The following ADGRG6 variants were observed in gnomAD, a reference collection of about 807,000 sequenced individuals.
ADGRG6 encodes G-protein coupled receptor 126.
ADGRG6 carries 84 observed loss-of-function variants against 142.4 expected under a neutral mutation model. The observed-to-expected ratio is 0.59, with a 90% CI of 0.49 to 0.71. The LOEUF is 0.71. Ranked by LOEUF, ADGRG6 falls within the 30% of genes least tolerant of loss-of-function variation. The probability of loss-of-function intolerance (pLI) is 0.00; values close to 1 mark genes in which losing one functional copy is unlikely to be tolerated. For missense variants in ADGRG6, 1,367 were observed against 1,466.6 expected (o/e 0.93, Z 1.11); for synonymous variants, 521 against 520.5 (o/e 1.00, Z -0.01).
At chr6:142,325,048 G>A (rs1265333911) in intron 2 of ADGRG6, among the ~76,000 whole-genome samples, 3 of 152,046 alleles carry the variant, frequency 2.0e-5, no homozygotes, top group Admixed American at 2.0e-4. Flanking sequence ...TATTTACTTG[G>A]ATTATTTAGA....
At position 142,438,285 on chromosome 6, in the gene ADGRG6, C is replaced by T. The variant is rs376129411; in HGVS notation, c.3495C>T (p.Ser1165=). The part of the protein sequence containing the change: ...DNLGKSLSSS[S]IGSNSTYLTS... ...TAGGAAAATCTTTGTCTTCAAGCTCCATTGGTTCCAACTCAACCTATCTTA... is the reference window on the plus strand; with the variant it reads ...TAGGAAAATCTTTGTCTTCAAGCTCTATTGGTTCCAACTCAACCTATCTTA... Residue 1165 remains serine, a synonymous_variant, in exon 24 of 25, where the codon TCC becomes TCT. Coordinates refer to ENST00000367609, the MANE Select transcript of ADGRG6 (RefSeq NM_198569.3). 1.3e-5 allele frequency: 21 copies of T among 1,604,048 alleles called. No individual in the cohort carries two copies. The highest frequency in any genetic ancestry group is 3.3e-4 in the Middle Eastern group (2 of 6,064).
intron 2 of ADGRG6, 49 bp from the exon 3 acceptor site, chr6:142,367,520 G>A (rs745914625): frequency 1.5e-6 from 2 of 1,358,946 alleles, no homozygotes; most frequent in South Asian, 2.5e-5. Flanking sequence ...TTTATTGCAT[G>A]CATCTGAACC....
intron 2 of ADGRG6, among the ~76,000 whole-genome samples, chr6:142,359,744 A>G (rs1054517116): frequency 7.2e-5 from 11 of 152,214 alleles, no homozygotes; most frequent in African/African-American, 2.7e-4. Flanking sequence ...TGTCAGGCAG[A>G]TAAATGTTTA....
intron 2 of ADGRG6, among the ~76,000 whole-genome samples, chr6:142,365,348 G>T (rs1191261293): frequency 2.0e-5 from 3 of 152,112 alleles, no homozygotes; most frequent in Admixed American, 1.3e-4. Context: ...TTTAGGCATG[G>T]TTCCCTTCAT....
Position 142,411,287 on chromosome 6 carries a change from T to G in ADGRG6, c.2435-18T>G. 2.2e-6 allele frequency: 3 copies of G among 1,383,564 alleles called. No homozygotes were observed. Among genetic ancestry groups the G allele is most frequent in the Non-Finnish European group, 3.1e-6 (3 of 970,018 alleles). The allele number at this position is 1,383,564 out of a possible 1,614,324, so 85.7% of individuals were successfully genotyped here. ...ACTGACCTGCTGTTTTCACACTGTT[T>G]GTTGATTCCTTCAACAGAAAGTTTT... On this transcript the variant is annotated intron_variant, in intron 17 of 24. Coordinates refer to ENST00000367609, the MANE Select transcript of ADGRG6 (RefSeq NM_198569.3).
chr6:142,389,771 G>A (rs1211406703), intron 6 of ADGRG6, among the ~76,000 whole-genome samples: 1 of 151,772 alleles, frequency 6.6e-6, no homozygotes, highest in Non-Finnish European at 1.5e-5. Flanking sequence ...GGAAAGAGAG[G>A]AAAAGGAGAG....
chr6:142,360,382 A>G (rs1181403415), intron 2 of ADGRG6, among the ~76,000 whole-genome samples: 1 of 152,226 alleles, frequency 6.6e-6, no homozygotes, highest in African/African-American at 2.4e-5. Flanking sequence ...ATGAGTATAT[A>G]TAAAGAAGAG....
chr6:142,404,036 C>A, intron 14 of ADGRG6, 63 bp downstream of exon 14: 2 of 1,242,846 alleles, frequency 1.6e-6, no homozygotes, highest in Non-Finnish European at 2.3e-6. Context: ...ACTTGCTGAT[C>A]ACTTAGCAGT....
intron 22 of ADGRG6, among the ~76,000 whole-genome samples, chr6:142,423,378 A>G (rs1192161359): frequency 6.6e-6 from 1 of 151,996 alleles, no homozygotes; most frequent in Non-Finnish European, 1.5e-5. Context: ...TCAGCTTTCT[A>G]CATATGGCTA....
rs553605945 is a variant in ADGRG6, at chr6:142,367,675, G to T, written c.210G>T (p.Thr70=). ...DYPNSQACMW[T]LRAPTGYIIQ... ...CAAACAGCCAGGCTTGCATGTGGAC[G>T]CTCCGAGCCCCCACCGGTTATATCA... Residue 70 remains threonine (T), a synonymous_variant, in exon 3 of 25, where the codon ACG becomes ACT. Coordinates refer to ENST00000367609, the MANE Select transcript of ADGRG6 (RefSeq NM_198569.3). 1 of 1,613,576 alleles carries T rather than the reference G, an allele frequency of 6.2e-7. No homozygotes were observed. The highest frequency in any genetic ancestry group is 1.7e-5 in the Admixed American group (1 of 59,968).
rs146609308 is a variant in ADGRG6, at chr6:142,379,326, A to G, written c.1070-2625A>G. Among the ~76,000 whole-genome samples, 658 of 152,208 alleles carry G rather than the reference A, an allele frequency of 4.3e-3. 4 individuals carry two copies. Among genetic ancestry groups the G allele is most frequent in the African/African-American group, 0.015 (620 of 41,508 alleles). On this transcript the variant is annotated intron_variant, in intron 4 of 24. Coordinates refer to ENST00000367609, the MANE Select transcript of ADGRG6 (RefSeq NM_198569.3). ...TATCTGTATCTATCTCTTTCTGTCA[A>G]TCCTTATTACTTATGATATCAAGGC... is the stretch of plus-strand genomic sequence containing the variant.
chr6:142,309,841 G>C (rs1395510224), intron 2 of ADGRG6, among the ~76,000 whole-genome samples, 197 bp downstream of exon 2: 1 of 147,448 alleles, frequency 6.8e-6, no homozygotes, highest in Non-Finnish European at 1.5e-5. Flanking sequence ...CTGTTTCTTT[G>C]ATCATTGTTT....
chr6:142,336,698 G>A (rs924372879), intron 2 of ADGRG6, among the ~76,000 whole-genome samples: 5 of 152,104 alleles, frequency 3.3e-5, no homozygotes, highest in Admixed American at 2.6e-4. Context: ...TTTGTACATA[G>A]ATAACACACA....
chr6:142,416,370 GTGATGTCTTTTCCA>G (rs1212953162), intron 20 of ADGRG6, among the ~76,000 whole-genome samples: 1 of 152,154 alleles, frequency 6.6e-6, no homozygotes, highest in Admixed American at 6.6e-5. Flanking sequence ...CTGGCAGGCA[GTGATGTCTTTTCCA>G]TGATGCTTTA....
At chr6:142,321,855 A>T (rs759444100) in intron 2 of ADGRG6, among the ~76,000 whole-genome samples, 2 of 152,172 alleles carry the variant, frequency 1.3e-5, no homozygotes, top group East Asian at 3.9e-4. Context: ...CTATTAGAAC[A>T]GTCTCATCCA....
Position 142,317,749 on chromosome 6 carries a change from T to C in ADGRG6, c.103+8105T>C, listed in dbSNP as rs1475366615. Among the ~76,000 whole-genome samples the C allele has an allele frequency of 7.4e-5, 8 of 108,266 alleles. No individual in the cohort carries two copies. The East Asian group carries it at 1.8e-3, about 25-fold the overall frequency. 71.0% of individuals were successfully genotyped at this position (108,266 alleles called of 152,430 possible). A position where few individuals can be genotyped will look rare whatever the true frequency, so the allele number is the denominator to read the frequency against. On this transcript the variant is annotated intron_variant, in intron 2 of 24. Transcript: ENST00000367609. ...TATTAATATATATTTATATAATATA[T>C]ATTTATATTATATATATTTATATCA...
At position 142,402,714 on chromosome 6, in the gene ADGRG6, C is replaced by T. The variant is rs73580458; in HGVS notation, c.1839C>T (p.Val613=). 188 of 1,603,678 alleles carry T rather than the reference C, an allele frequency of 1.2e-4. 1 individual carries two copies. The African/African-American group carries it at 2.2e-3, about 19-fold the overall frequency. ...SANITNIVEQ[V]KRIVNKEENI... Reference sequence around the variant, plus strand: ...ATATTACCAACATTGTGGAACAGGTCAAAAGAATTGTGAATAAAGAAGAAA... The same window carrying T: ...ATATTACCAACATTGTGGAACAGGTTAAAAGAATTGTGAATAAAGAAGAAA... Residue 613 remains valine (V), a synonymous_variant, in exon 13 of 25, where the codon GTC becomes GTT. Transcript: ENST00000367609.
chr6:142,318,415 AATATATTTATATATT>A lies in ADGRG6; in HGVS notation c.103+8786_103+8800del, dbSNP rs1052935933. ...TTATATGTAATTTAAATATATATAT[AATATATTTATATATT>A]ATATATTTATATATCAGGCTCATTT... On this transcript the variant is annotated intron_variant, in intron 2 of 24. Coordinates refer to ENST00000367609, the MANE Select transcript of ADGRG6 (RefSeq NM_198569.3). 3.4e-5 allele frequency among the ~76,000 whole-genome samples: 4 copies of A among 118,790 alleles called. No homozygotes were observed. In the East Asian group the frequency reaches 6.3e-4, roughly 19 times the overall value. 77.9% of individuals were successfully genotyped at this position (118,790 alleles called of 152,430 possible). A position where few individuals can be genotyped will look rare whatever the true frequency, so the allele number is the denominator to read the frequency against.
At chr6:142,418,177 C>G (rs1776464857) in intron 21 of ADGRG6, among the ~76,000 whole-genome samples, 1 of 151,606 alleles carries the variant, frequency 6.6e-6, no homozygotes. Context: ...TAGCTATAAT[C>G]CCAGCTACTA....
Sources: allele counts gnomAD v4.1 joint callset (sites outside exome capture counted in the v4.1 genomes callset), GRCh38; gene constraint gnomAD v4.1.1; transcripts MANE v1.5; gene names NCBI Gene and HGNC (gene_info 2026-07-23, HGNC 2026-07-21).